Variants in OLFM2 observed in about 807,000 individuals in gnomAD.
OLFM2 encodes olfactomedin 2, also known as noelin-2.
In OLFM2, 20 loss-of-function variants were observed where a neutral mutation model predicts 43.9. The observed-to-expected ratio is 0.46, with a 90% confidence interval of 0.32 to 0.66. The LOEUF (loss-of-function observed/expected upper bound fraction) is 0.66, where lower values mean the gene tolerates loss of function less well. Among genes scored for constraint, OLFM2 ranks in the 30% least tolerant of loss-of-function variants. The pLI is 0.04. For missense variants in OLFM2, 416 were observed against 643.6 expected (o/e 0.65, Z 3.83); for synonymous variants, 268 against 278.6 (o/e 0.96, Z 0.38).
intron 1 of OLFM2, among the ~76,000 whole-genome samples, chr19:9,925,964 A>T (rs1235962616): frequency 6.6e-6 from 1 of 151,336 alleles, no homozygotes; most frequent in Non-Finnish European, 1.5e-5. Flanking sequence ...ACAAGACCCC[A>T]TCTCTACAGA....
intron 1 of OLFM2, among the ~76,000 whole-genome samples, chr19:9,878,381 C>CTTTTTTTTT (rs34231833): frequency 1.0e-4 from 6 of 57,640 alleles, no homozygotes; most frequent in East Asian, 4.6e-4. Context: ...TCATTTCTCT[C>CTTTTTTTTT]TTTTTTTTTT....
At chr19:9,867,129 G>C (rs1007012036) in intron 1 of OLFM2, among the ~76,000 whole-genome samples, 2 of 152,180 alleles carry the variant, frequency 1.3e-5, no homozygotes, top group African/African-American at 4.8e-5. Context: ...CCAGCACTTT[G>C]GGAGGTGAAG....
intron 1 of OLFM2, among the ~76,000 whole-genome samples, chr19:9,900,999 G>GAA (rs1568380565): frequency 9.9e-5 from 5 of 50,288 alleles, no homozygotes; most frequent in Non-Finnish European, 1.1e-4. Flanking sequence ...AGGGAGGGAG[G>GAA]GGGGAGGGAG....
At chr19:9,874,914 C>T (rs2046472613) in intron 1 of OLFM2, among the ~76,000 whole-genome samples, 1 of 152,168 alleles carries the variant, frequency 6.6e-6, no homozygotes, top group African/African-American at 2.4e-5. Context: ...GCACCCGTCC[C>T]CTAATGGCTT....
At chr19:9,929,869 G>A (rs541122989) in intron 1 of OLFM2, among the ~76,000 whole-genome samples, 14 of 151,830 alleles carry the variant, frequency 9.2e-5, no homozygotes, top group African/African-American at 1.5e-4. Flanking sequence ...GAGAACCCTC[G>A]TCTCTACTAA....
chr19:9,911,987 C>T (rs1033864738), intron 1 of OLFM2, among the ~76,000 whole-genome samples: 5 of 152,126 alleles, frequency 3.3e-5, no homozygotes, highest in Non-Finnish European at 5.9e-5. Context: ...CTGATACGTC[C>T]ACACCCAAGC....
chr19:9,891,156 A>G (rs2046635155), intron 1 of OLFM2, among the ~76,000 whole-genome samples: 1 of 150,996 alleles, frequency 6.6e-6, no homozygotes, highest in Admixed American at 6.6e-5. Flanking sequence ...TCTACTAAAA[A>G]TACAAAAATT....
intron 1 of OLFM2, among the ~76,000 whole-genome samples, chr19:9,888,923 G>A (rs1308580729): frequency 3.9e-5 from 6 of 152,230 alleles, no homozygotes; most frequent in Middle Eastern, 3.4e-3. Flanking sequence ...AAAATTAGCC[G>A]GGCATGGTGG....
At chr19:9,885,049 A>T (rs2046574739) in intron 1 of OLFM2, among the ~76,000 whole-genome samples, 1 of 152,126 alleles carries the variant, frequency 6.6e-6, no homozygotes, top group Admixed American at 6.6e-5. Context: ...AAGGTAGTTG[A>T]GTGTAGCTGT....
At chr19:9,906,633 C>CA (rs2046787930) in intron 1 of OLFM2, among the ~76,000 whole-genome samples, 1 of 152,044 alleles carries the variant, frequency 6.6e-6, no homozygotes, top group African/African-American at 2.4e-5. Flanking sequence ...ACTGCAGAGT[C>CA]AGAGATACGG....
At chr19:9,896,345 C>T (rs1012918937) in intron 1 of OLFM2, among the ~76,000 whole-genome samples, 4 of 151,920 alleles carry the variant, frequency 2.6e-5, no homozygotes, top group Non-Finnish European at 5.9e-5. Context: ...GTGATCCGCC[C>T]GCCTCAGCCT....
chr19:9,862,111 G>T (rs2046369462), intron 1 of OLFM2, among the ~76,000 whole-genome samples: 3 of 151,964 alleles, frequency 2.0e-5, no homozygotes, highest in Admixed American at 2.0e-4. Flanking sequence ...GGAAGAGAAG[G>T]AATGAAGAAA....
At chr19:9,860,545 A>T in intron 2 of OLFM2, 100 bp downstream of exon 2, 2 of 1,311,844 alleles carry the variant, frequency 1.5e-6, no homozygotes, top group Admixed American at 2.0e-5. Context: ...TAATTTGCAT[A>T]GCTGGATATG....
At position 9,853,890 on chromosome 19, in the gene OLFM2, A is replaced by C. The variant is rs2046290826; in HGVS notation, c.*296T>G. On this transcript the variant is annotated 3_prime_UTR_variant, in exon 6 of 6. Coordinates refer to ENST00000264833, the MANE Select transcript of OLFM2 (RefSeq NM_058164.4). ...GGTGGAAGGACAGAGAGAGAGAGAC[A>C]GAGAGAGGCAGAGACGGAAAGAACT... is the stretch of plus-strand genomic sequence containing the variant. 1.8e-6 allele frequency: 1 copy of C among 561,986 alleles called. No homozygotes were observed. Among genetic ancestry groups the C allele is most frequent in the African/African-American group, 1.9e-5 (1 of 53,044 alleles). 34.8% of individuals were successfully genotyped at this position (561,986 alleles called of 1,614,324 possible).
intron 2 of OLFM2, among the ~76,000 whole-genome samples, chr19:9,859,795 T>G (rs2046352917): frequency 6.6e-6 from 1 of 152,098 alleles, no homozygotes; most frequent in Non-Finnish European, 1.5e-5. Flanking sequence ...CCTCCAGTCT[T>G]CCTTCCTTCC....
At chr19:9,893,213 G>A (rs1454999991) in intron 1 of OLFM2, among the ~76,000 whole-genome samples, 1 of 150,174 alleles carries the variant, frequency 6.7e-6, no homozygotes, top group Non-Finnish European at 1.5e-5. Flanking sequence ...TGCCCAGGCT[G>A]GAGTGCAATG....
intron 1 of OLFM2, among the ~76,000 whole-genome samples, chr19:9,905,877 T>C (rs532687633): frequency 2.0e-5 from 3 of 152,162 alleles, no homozygotes; most frequent in Non-Finnish European, 4.4e-5. Context: ...CATATCCTCA[T>C]ATGTGCTCCA....
chr19:9,932,501 C>T (rs564337706), intron 1 of OLFM2, among the ~76,000 whole-genome samples: 14 of 150,760 alleles, frequency 9.3e-5, no homozygotes, highest in South Asian at 8.5e-4. Context: ...AAAAAGAACA[C>T]GGAGTAAGCA....
chr19:9,859,351 GTC>G (rs34028247), intron 2 of OLFM2, among the ~76,000 whole-genome samples: 147,660 of 152,176 alleles, frequency 0.97, 71,927 homozygotes, highest in Non-Finnish European at 1. Context: ...GTCTTGCTCT[GTC>G]TTGCCCAGGC....
Sources: allele counts gnomAD v4.1 joint callset (sites outside exome capture counted in the v4.1 genomes callset), GRCh38; gene constraint gnomAD v4.1.1; transcripts MANE v1.5; gene names NCBI Gene and HGNC (gene_info 2026-07-23, HGNC 2026-07-21).